Variants in NAALADL2 observed in about 807,000 individuals in gnomAD.
NAALADL2 encodes the protein N-acetylated alpha-linked acidic dipeptidase like 2.
In NAALADL2, 76 loss-of-function variants were observed where a neutral mutation model predicts 87.2. That is an observed-to-expected ratio of 0.87 (90% CI 0.72 to 1.05). The LOEUF is 1.05. NAALADL2 is among the 50% of genes least tolerant of loss of function. The pLI, the probability that NAALADL2 is intolerant of heterozygous loss-of-function variation, is 0.00. For missense variants in NAALADL2, 1,089 were observed against 945.8 expected, an observed-to-expected ratio of 1.15 and a Z score of -1.99; for synonymous variants, 354 against 331.0, an observed-to-expected ratio of 1.07 and a Z score of -0.75.
At chr3:175,453,258 C>T (rs1472907133) in intron 6 of NAALADL2, among the ~76,000 whole-genome samples, 1 of 152,100 alleles carries the variant, frequency 6.6e-6, no homozygotes, top group Non-Finnish European at 1.5e-5. Context: ...TACACCCTAT[C>T]TTTATATTTT....
chr3:175,678,444 A>C (rs147664377), intron 11 of NAALADL2, among the ~76,000 whole-genome samples: 2 of 152,316 alleles, frequency 1.3e-5, no homozygotes, highest in African/African-American at 4.8e-5. Flanking sequence ...TTGTGGCACT[A>C]TTCACAATAG....
At chr3:174,879,505 A>G (rs1201688713) in intron 1 of NAALADL2, among the ~76,000 whole-genome samples, 1 of 152,106 alleles carries the variant, frequency 6.6e-6, no homozygotes, top group Non-Finnish European at 1.5e-5. Flanking sequence ...ACGGAGGTAA[A>G]TGCCTCATTC....
chr3:175,480,398 T>C (rs969428760), intron 9 of NAALADL2, among the ~76,000 whole-genome samples: 5 of 151,884 alleles, frequency 3.3e-5, no homozygotes, highest in African/African-American at 1.2e-4. Flanking sequence ...CTAACTCATT[T>C]GTCTTCTGTA....
At chr3:174,531,558 G>A (rs764673126) in intron 1 of NAALADL2, among the ~76,000 whole-genome samples, 9 of 152,066 alleles carry the variant, frequency 5.9e-5, no homozygotes, top group African/African-American at 2.2e-4. Flanking sequence ...GAGGATTTTC[G>A]AACTTTCTAT....
intron 9 of NAALADL2, among the ~76,000 whole-genome samples, chr3:175,480,522 G>A (rs939959122): frequency 4.0e-5 from 6 of 151,820 alleles, no homozygotes; most frequent in African/African-American, 1.4e-4. Flanking sequence ...ATCAAAAGTA[G>A]TATTCTATTC....
intron 1 of NAALADL2, among the ~76,000 whole-genome samples, chr3:175,029,362 G>A (rs1249393548): frequency 6.6e-6 from 1 of 151,946 alleles, no homozygotes; most frequent in Non-Finnish European, 1.5e-5. Context: ...ATTTAAAAAT[G>A]GGGGACCCTA....
rs1455018138 is a variant in NAALADL2 at position 174,607,789 on chromosome 3, G to T, written c.-115+57152G>T. Reference sequence around the variant, plus strand: ...GAAAGTTAACAAGGATACCCAGGAAGTGAACTCAGCTCTTCACCAAGTGGA... The same window carrying T: ...GAAAGTTAACAAGGATACCCAGGAATTGAACTCAGCTCTTCACCAAGTGGA... On this transcript the variant is annotated intron_variant, in intron 2 of 3. Transcript: ENST00000434257. Among the ~76,000 whole-genome samples, 417 of 152,072 alleles carry T rather than the reference G, an allele frequency of 2.7e-3. 1 individual carries two copies. The highest frequency in any genetic ancestry group is 7.7e-3 in the African/African-American group (321 of 41,480).
chr3:175,695,684 T>TA (rs903845834), intron 11 of NAALADL2, among the ~76,000 whole-genome samples: 17 of 152,188 alleles, frequency 1.1e-4, no homozygotes, highest in African/African-American at 2.9e-4. Context: ...AGAAATAAAT[T>TA]AAAAAAATAT....
chr3:174,839,815 C>T (rs921501353), intron 3 of NAALADL2, among the ~76,000 whole-genome samples: 1 of 150,274 alleles, frequency 6.7e-6, no homozygotes, highest in African/African-American at 2.5e-5. Flanking sequence ...TACTCCTGAA[C>T]GAATGGCCAT....
At chr3:175,713,720 C>G (rs1740848669) in intron 11 of NAALADL2, among the ~76,000 whole-genome samples, 1 of 151,858 alleles carries the variant, frequency 6.6e-6, no homozygotes, top group South Asian at 2.1e-4. Context: ...TTCTTACCAC[C>G]CCAAATGCAA....
At chr3:174,568,519 A>C (rs1260902021) in intron 2 of NAALADL2, among the ~76,000 whole-genome samples, 1 of 151,870 alleles carries the variant, frequency 6.6e-6, no homozygotes, top group Non-Finnish European at 1.5e-5. Context: ...TAAAAAAGGA[A>C]GGACAACTGG....
At chr3:174,581,285 T>A (rs1408898634) in intron 2 of NAALADL2, among the ~76,000 whole-genome samples, 4 of 152,250 alleles carry the variant, frequency 2.6e-5, no homozygotes, top group Non-Finnish European at 5.9e-5. Flanking sequence ...TTATTCAAAA[T>A]GTATTTATAT....
intron 2 of NAALADL2, among the ~76,000 whole-genome samples, chr3:174,589,908 A>T (rs1717172228): frequency 6.6e-6 from 1 of 151,650 alleles, no homozygotes; most frequent in Non-Finnish European, 1.5e-5. Context: ...GCCATAAATA[A>T]AACATCCTGT....
intron 11 of NAALADL2, among the ~76,000 whole-genome samples, chr3:175,728,746 A>G (rs1743264524): frequency 6.6e-6 from 1 of 152,260 alleles, no homozygotes; most frequent in Non-Finnish European, 1.5e-5. Flanking sequence ...TCTGAAAGTT[A>G]AAAGGAGTGG....
At chr3:175,066,685 TTA>T (rs1714596021) in intron 1 of NAALADL2, among the ~76,000 whole-genome samples, 1 of 152,176 alleles carries the variant, frequency 6.6e-6, no homozygotes, top group Non-Finnish European at 1.5e-5. Context: ...AGTCTTGCAT[TTA>T]GAGTTTAATC....
chr3:175,788,432 A>T (rs1752374974), intron 13 of NAALADL2, among the ~76,000 whole-genome samples: 1 of 151,978 alleles, frequency 6.6e-6, no homozygotes, highest in African/African-American at 2.4e-5. Context: ...TGCCTTTTCT[A>T]TGTCTAGATG....
chr3:174,888,777 C>T (rs1730516897), intron 1 of NAALADL2, among the ~76,000 whole-genome samples: 1 of 152,164 alleles, frequency 6.6e-6, no homozygotes, highest in Non-Finnish European at 1.5e-5. Context: ...TTTCAAAATA[C>T]TGTATTATTA....
At chr3:175,665,316 T>C (rs908612065) in intron 11 of NAALADL2, among the ~76,000 whole-genome samples, 4 of 152,238 alleles carry the variant, frequency 2.6e-5, no homozygotes, top group Non-Finnish European at 4.4e-5. Context: ...TTTTAAAATA[T>C]ATTTTTTCAG....
intron 2 of NAALADL2, among the ~76,000 whole-genome samples, chr3:174,584,906 A>T (rs944094432): frequency 6.6e-6 from 1 of 152,094 alleles, no homozygotes; most frequent in Non-Finnish European, 1.5e-5. Context: ...CCTTTATCAG[A>T]TTTTGGTTTT....
Sources: gnomAD v4.1 joint callset for allele counts (sites outside exome capture counted in the v4.1 genomes callset) on GRCh38, gnomAD v4.1.1 for gene constraint, MANE v1.5 for transcripts, NCBI Gene and HGNC (gene_info 2026-07-23, HGNC 2026-07-21) for gene names.